Variants in SNX14 observed in about 807,000 individuals in gnomAD.
SNX14 encodes sorting nexin-14.
Under a neutral mutation model 133.8 loss-of-function variants are expected in SNX14, and 93 were observed. The observed-to-expected ratio is 0.70, with a 90% confidence interval of 0.59 to 0.83. The LOEUF (loss-of-function observed/expected upper bound fraction) is 0.83, where lower values mean the gene tolerates loss of function less well. Ranked by LOEUF, SNX14 falls within the 40% of genes least tolerant of loss-of-function variation. The probability of loss-of-function intolerance (pLI) is 0.00; values close to 1 mark genes in which losing one functional copy is unlikely to be tolerated. For synonymous variants in SNX14, 368 were observed against 365.6 expected (o/e 1.01, Z -0.07); for missense variants, 945 against 1,094.9 (o/e 0.86, Z 1.93).
intron 28 of SNX14, 65 bp downstream of exon 28, chr6:85,507,168 T>C (rs1562161807): frequency 2.2e-6 from 3 of 1,358,814 alleles, no homozygotes; most frequent in Non-Finnish European, 2.1e-6. Flanking sequence ...TTTATGTCCC[T>C]AATTAAAATA....
At position 85,567,534 on chromosome 6, in the gene SNX14, C is replaced by T; in HGVS notation, c.461G>A (p.Arg154Lys). The T allele has an allele frequency of 6.6e-7, 1 of 1,504,784 alleles. No individual in the cohort carries two copies. The highest frequency in any genetic ancestry group is 2.7e-5 in the Admixed American group (1 of 37,304). 93.2% of individuals were successfully genotyped at this position (1,504,784 alleles called of 1,614,324 possible). A position where few individuals can be genotyped will look rare whatever the true frequency, so the allele number is the denominator to read the frequency against. The change falls in exon 5 of 29, where the codon AGG becomes AAG. Residue 154 changes from arginine to lysine, a missense_variant and splice_region_variant. By Grantham distance (26) the Arg-to-Lys change is conservative. Transcript: ENST00000314673. ...AAAAGATCTTATAGAAAGAACATAC[C>T]TGTACCACGGATAAACAAAGTTTTC... Reference protein sequence around the residue: ...VLENFVYPWYRDVTDDESFVD... With the variant: ...VLENFVYPWYKDVTDDESFVD...
chr6:85,574,875 T>C (rs965605683), intron 1 of SNX14, among the ~76,000 whole-genome samples: 1 of 152,004 alleles, frequency 6.6e-6, no homozygotes, highest in Non-Finnish European at 1.5e-5. Context: ...TGATCACACA[T>C]GTGATATTAC....
intron 12 of SNX14, among the ~76,000 whole-genome samples, chr6:85,545,375 GT>G (rs890907798): frequency 6.6e-6 from 1 of 152,010 alleles, no homozygotes; most frequent in African/African-American, 2.4e-5. Context: ...ACTAAATTAG[GT>G]TTTTTTAAAG....
At chr6:85,573,879 C>T (rs761671448) in intron 2 of SNX14, among the ~76,000 whole-genome samples, 8 of 152,102 alleles carry the variant, frequency 5.3e-5, no homozygotes, top group Non-Finnish European at 8.8e-5. Context: ...ATTGTCCTCA[C>T]GGTTAATAGA....
At chr6:85,545,902 C>T (rs1785326861) in intron 12 of SNX14, among the ~76,000 whole-genome samples, 1 of 152,152 alleles carries the variant, frequency 6.6e-6, no homozygotes, top group South Asian at 2.1e-4. Flanking sequence ...AGGTTGGTCT[C>T]GAACTCCTGA....
At chr6:85,562,847 C>A (rs78618852) in intron 6 of SNX14, among the ~76,000 whole-genome samples, 299 of 152,134 alleles carry the variant, frequency 2.0e-3, no homozygotes, top group African/African-American at 7.0e-3. Flanking sequence ...CCATCTCAGC[C>A]ACCTCAGATT....
chr6:85,533,230 A>G (rs927550190), intron 18 of SNX14, among the ~76,000 whole-genome samples: 1 of 152,186 alleles, frequency 6.6e-6, no homozygotes, highest in African/African-American at 2.4e-5. Context: ...GGGTGAGAGA[A>G]AACGCTGTCT....
intron 4 of SNX14, among the ~76,000 whole-genome samples, chr6:85,569,242 G>A (rs531507455): frequency 2.6e-5 from 4 of 152,294 alleles, no homozygotes; most frequent in South Asian, 2.1e-4. Flanking sequence ...GATTACAGGC[G>A]TGAGCCAACA....
At chr6:85,510,057 C>G (rs887739165) in intron 26 of SNX14, among the ~76,000 whole-genome samples, 1 of 152,088 alleles carries the variant, frequency 6.6e-6, no homozygotes, top group Non-Finnish European at 1.5e-5. Context: ...TAAAGAACAC[C>G]TTGGTTGCTT....
In SNX14 at chr6:85,593,829, C is replaced by T. The variant is rs552310100; in HGVS notation, c.-111G>A. The T allele has an allele frequency of 5.6e-4, 868 of 1,544,002 alleles. 5 individuals carry two copies. The African/African-American group carries it at 0.011, about 20-fold the overall frequency. ...ACCGACTTGGCGGCGCACACAGACG[C>T]CTACCGGCAGTTAGCCGCCGCAGGC... On this transcript the variant is annotated 5_prime_UTR_variant, in exon 1 of 29. Transcript: ENST00000314673.
At chr6:85,591,054 C>A (rs780738312) in intron 1 of SNX14, among the ~76,000 whole-genome samples, 1 of 152,288 alleles carries the variant, frequency 6.6e-6, no homozygotes, top group Admixed American at 6.5e-5. Flanking sequence ...GTATTCCACT[C>A]GGATTTCTGA....
At chr6:85,523,442 G>A (rs1777529368) in intron 21 of SNX14, among the ~76,000 whole-genome samples, 1 of 152,154 alleles carries the variant, frequency 6.6e-6, no homozygotes, top group Non-Finnish European at 1.5e-5. Flanking sequence ...ACATGAGTTA[G>A]ACACCAAATA....
At chr6:85,510,355 T>C (rs1407373522) in intron 26 of SNX14, among the ~76,000 whole-genome samples, 1 of 152,234 alleles carries the variant, frequency 6.6e-6, no homozygotes, top group African/African-American at 2.4e-5. Flanking sequence ...CTCATTGTTT[T>C]AAATGTGCAT....
chr6:85,584,959 T>C (rs769995817), intron 1 of SNX14, among the ~76,000 whole-genome samples: 4 of 152,196 alleles, frequency 2.6e-5, no homozygotes, highest in African/African-American at 7.2e-5. Context: ...CGTTTGTGTA[T>C]TGCAGCACTA....
chr6:85,589,064 T>C (rs1396982818), intron 1 of SNX14: 1 of 359,294 alleles, frequency 2.8e-6, no homozygotes, highest in Admixed American at 3.7e-5. Context: ...TTCATTTCTC[T>C]AAAAACATTT....
intron 18 of SNX14, among the ~76,000 whole-genome samples, chr6:85,532,983 T>C (rs930416189): frequency 1.3e-5 from 2 of 152,152 alleles, no homozygotes; most frequent in African/African-American, 2.4e-5. Context: ...GCCTCCCAGG[T>C]TGAAGCGATC....
rs200356864 is a variant in SNX14 at position 85,513,907 on chromosome 6, T to C, written c.2558-12A>G. The C allele has an allele frequency of 1.0e-5, 16 of 1,594,692 alleles. No individual in the cohort carries two copies. In the East Asian group the frequency reaches 2.7e-4, roughly 27 times the overall value. On this transcript the variant is annotated splice_polypyrimidine_tract_variant and intron_variant, in intron 25 of 28. Transcript: ENST00000314673. ...ACAGAATATAGCATCTAAAAAAGAGTAAAAAGAAATATTTCTGGAATTTTC... is the reference window on the plus strand; with the variant it reads ...ACAGAATATAGCATCTAAAAAAGAGCAAAAAGAAATATTTCTGGAATTTTC...
At chr6:85,507,439 C>T in intron 27 of SNX14, 150 bp from the exon 28 acceptor site, 1 of 601,636 alleles carries the variant, frequency 1.7e-6, no homozygotes, top group Non-Finnish European at 2.9e-6. Flanking sequence ...CAAAAGTAGC[C>T]TCAGTAGTAT....
chr6:85,573,144 G>C (rs1796223912), intron 2 of SNX14, among the ~76,000 whole-genome samples: 1 of 152,120 alleles, frequency 6.6e-6, no homozygotes, highest in Non-Finnish European at 1.5e-5. Context: ...ACAAACCCAA[G>C]ACAAGATACT....
Sources: gnomAD v4.1 joint callset for allele counts (sites outside exome capture counted in the v4.1 genomes callset) on GRCh38, gnomAD v4.1.1 for gene constraint, MANE v1.5 for transcripts, NCBI Gene and HGNC (gene_info 2026-07-23, HGNC 2026-07-21) for gene names.